Variants in SLTM observed in about 807,000 individuals in gnomAD.
SLTM encodes the protein SAFB like transcription modulator, also known as SAFB-like transcription modulator.
SLTM carries 43 observed loss-of-function variants against 134.6 expected under a neutral mutation model. The ratio of observed to expected loss-of-function variants is 0.32; its 90% CI spans 0.25 to 0.41. The LOEUF is 0.41. SLTM is among the 10% of genes least tolerant of loss of function. The pLI is 1.00. For synonymous variants in SLTM, 424 were observed against 432.3 expected (o/e 0.98, Z 0.24); for missense variants, 1,055 against 1,288.8 (o/e 0.82, Z 2.78).
rs993264163 is a variant in SLTM, at chr15:58,879,966, A to C, written c.*33T>G. On this transcript the variant is annotated 3_prime_UTR_variant, in exon 21 of 21. Transcript: ENST00000380516. ...GTAAAGTTTACAGGAGATTTCAATA[A>C]ATTATCTTAAAACCTTGGCAGAGAG... 2.5e-6 allele frequency: 4 copies of C among 1,604,526 alleles called. No homozygotes were observed. In the African/African-American group the frequency reaches 4.0e-5, roughly 16 times the overall value.
chr15:58,915,233 A>C (rs549635191), intron 3 of SLTM, among the ~76,000 whole-genome samples: 65 of 148,262 alleles, frequency 4.4e-4, no homozygotes, highest in African/African-American at 1.4e-3. Context: ...AAAACAAAAA[A>C]AAAGTTCCCT....
At chr15:58,890,149 G>C in intron 15 of SLTM, 132 bp downstream of exon 15, 1 of 960,552 alleles carries the variant, frequency 1.0e-6, no homozygotes, top group South Asian at 1.7e-5. Context: ...TTATCTTTCA[G>C]GGACACTTAA....
intron 14 of SLTM, 142 bp downstream of exon 14, chr15:58,892,755 G>C: frequency 1.2e-6 from 1 of 829,102 alleles, no homozygotes; most frequent in South Asian, 1.6e-5. Context: ...GCAAACTTAA[G>C]AAATCATTAG....
At chr15:58,933,175 C>T (rs2141274211) in intron 1 of SLTM, among the ~76,000 whole-genome samples, 1 of 151,826 alleles carries the variant, frequency 6.6e-6, no homozygotes, top group Non-Finnish European at 1.5e-5. Context: ...GCACGCTGGG[C>T]TGCGGTGGCC....
intron 3 of SLTM, among the ~76,000 whole-genome samples, chr15:58,916,255 C>CGG (rs1213913821): frequency 6.6e-5 from 10 of 151,660 alleles, no homozygotes; most frequent in African/African-American, 2.4e-4. Context: ...CTCACTGCAC[C>CGG]CTCCACCTCC....
chr15:58,899,401 TTAATG>T lies in SLTM; in HGVS notation c.1058+63_1058+67del. The T allele has an allele frequency of 7.7e-7, 1 of 1,292,132 alleles. No homozygotes were observed. The highest frequency in any genetic ancestry group is 1.1e-6 in the Non-Finnish European group (1 of 900,342). 80.0% of individuals were successfully genotyped at this position (1,292,132 alleles called of 1,614,324 possible). On this transcript the variant is annotated intron_variant, in intron 7 of 20. Transcript: ENST00000380516. This position sits in a 1 kb window ranked among gnomAD's most constrained non-coding sequence, Gnocchi z 5.0. ...TGTACATGTTCTTGAAGCCACCCCC[TTAATG>T]TAGAGTGATCTTATTGAATGCTGGA...
At chr15:58,886,862 T>C in intron 19 of SLTM, 113 bp downstream of exon 19, 1 of 1,303,480 alleles carries the variant, frequency 7.7e-7, no homozygotes, top group Non-Finnish European at 1.1e-6. Context: ...CTCTGAATCA[T>C]TCCAATCTAG....
intron 14 of SLTM, among the ~76,000 whole-genome samples, chr15:58,891,474 G>T (rs1201221741): frequency 1.5e-4 from 23 of 152,126 alleles, no homozygotes; most frequent in Admixed American, 1.5e-3. Context: ...TTCCAATAAT[G>T]CAACTCCATA....
chr15:58,882,186 A>AAAAAAAAAAAAC (rs1170286359), intron 20 of SLTM, among the ~76,000 whole-genome samples: 1 of 148,468 alleles, frequency 6.7e-6, no homozygotes, highest in Non-Finnish European at 1.5e-5. Flanking sequence ...TGTCTCAAAA[A>AAAAAAAAAAAAC]AAAAAAACCA....
At chr15:58,916,077 G>A (rs2036622426) in intron 3 of SLTM, among the ~76,000 whole-genome samples, 1 of 151,834 alleles carries the variant, frequency 6.6e-6, no homozygotes, top group South Asian at 2.1e-4. Context: ...AATTTTTCTG[G>A]CCAGCCAGTT....
rs769402241 is a variant in SLTM, at chr15:58,887,044, G to A, written c.2766C>T (p.Ser922=). The A allele has an allele frequency of 2.7e-5, 44 of 1,613,612 alleles. No individual in the cohort carries two copies. The highest frequency in any genetic ancestry group is 1.8e-4 in the East Asian group (8 of 44,898). The change falls in exon 19 of 21, where the codon AGC becomes AGT. Residue 922 remains serine (S), a synonymous_variant. Coordinates refer to ENST00000380516, the MANE Select transcript of SLTM (RefSeq NM_024755.4). ...CTCTGCTCCCGTACCCCGAAGCGCT[G>A]CTACGATTCCCAGGGGGAGCGCCTC... ...SVRGAPPGNR[S]SASGYGSREG...
At chr15:58,916,385 G>C (rs960617161) in intron 3 of SLTM, among the ~76,000 whole-genome samples, 2 of 152,110 alleles carry the variant, frequency 1.3e-5, no homozygotes, top group Non-Finnish European at 2.9e-5. Context: ...TGTTGGCCAG[G>C]CTGGTCTCAA....
At chr15:58,929,275 C>T (rs2037700753) in intron 2 of SLTM, among the ~76,000 whole-genome samples, 1 of 152,050 alleles carries the variant, frequency 6.6e-6, no homozygotes, top group African/African-American at 2.4e-5. Flanking sequence ...ACTGGAGAAA[C>T]CCGTCTCTAC....
intron 9 of SLTM, among the ~76,000 whole-genome samples, chr15:58,895,374 T>C (rs1356622611): frequency 6.6e-6 from 1 of 152,230 alleles, no homozygotes; most frequent in African/African-American, 2.4e-5. Context: ...TTTCAATCTA[T>C]GTGCTTTTAA....
In SLTM at chr15:58,916,980, A is replaced by G; in HGVS notation, c.270T>C (p.Asp90=). 6.2e-7 allele frequency: 1 copy of G among 1,613,754 alleles called. No homozygotes were observed. The change falls in exon 3 of 21, where the codon GAT becomes GAC. Residue 90 remains aspartate (D), a synonymous_variant. Transcript: ENST00000380516. ...TKGKGKKHEA[D]ELSGDASVED... ...CCACAGAAGCATCTCCACTCAACTCATCTGCTTCATGTTTTTTACCTGCGA... is the reference window on the plus strand; with the variant it reads ...CCACAGAAGCATCTCCACTCAACTCGTCTGCTTCATGTTTTTTACCTGCGA...
intron 5 of SLTM, among the ~76,000 whole-genome samples, chr15:58,904,508 G>A (rs1248967694): frequency 2.0e-5 from 3 of 150,958 alleles, no homozygotes; most frequent in African/African-American, 7.3e-5. Flanking sequence ...GTGTAAATTC[G>A]ATCACTATCT....
chr15:58,892,980 C>G lies in SLTM; in HGVS notation c.1815G>C (p.Leu605Phe). 2 of 1,613,480 alleles carry G rather than the reference C, an allele frequency of 1.2e-6. No individual in the cohort carries two copies. The highest frequency in any genetic ancestry group is 1.7e-6 in the Non-Finnish European group (2 of 1,179,620). ...TTTGTTCCTTCATCTTTTCAAAAGGCAAGATCTCTTTCCTTCTGTAGTCTT... is the reference window on the plus strand; with the variant it reads ...TTTGTTCCTTCATCTTTTCAAAAGGGAAGATCTCTTTCCTTCTGTAGTCTT... ...RDKDYRRKEI[L>F]PFEKMKEQRL... The change falls in exon 14 of 21, where the codon TTG (leucine) becomes TTC (phenylalanine). Residue 605 changes from leucine to phenylalanine, a missense_variant. Transcript: ENST00000380516.
rs748120953 is a variant in SLTM at position 58,897,266 on chromosome 15, T to C, written c.1109-33A>G. 3 of 1,229,510 alleles carry C rather than the reference T, an allele frequency of 2.4e-6. No homozygotes were observed. The Admixed American group carries it at 5.5e-5, about 22-fold the overall frequency. The allele number at this position is 1,229,510 out of a possible 1,614,324, so 76.2% of individuals were successfully genotyped here. On this transcript the variant is annotated intron_variant, in intron 8 of 20. Coordinates refer to ENST00000380516, the MANE Select transcript of SLTM (RefSeq NM_024755.4). ...AGATTTAATATCAGATGTTTAAGTA[T>C]CTCAATCAGAATCTTTATACAAAAC...
chr15:58,913,237 T>C (rs1048537950), intron 4 of SLTM, among the ~76,000 whole-genome samples: 1 of 152,056 alleles, frequency 6.6e-6, no homozygotes, highest in Admixed American at 6.6e-5. Flanking sequence ...TATGGGGAAA[T>C]TATGAAATTA....
Sources: allele counts gnomAD v4.1 joint callset (sites outside exome capture counted in the v4.1 genomes callset), GRCh38; gene constraint gnomAD v4.1.1; non-coding constraint Gnocchi (gnomAD v3.1); transcripts MANE v1.5; gene names NCBI Gene and HGNC (gene_info 2026-07-23, HGNC 2026-07-21).